Variants in ARHGAP28 observed in about 807,000 individuals in gnomAD.
ARHGAP28 encodes Rho GTPase activating protein 28, also known as rho GTPase-activating protein 28.
ARHGAP28 carries 56 observed loss-of-function variants against 90.7 expected under a neutral mutation model. That is an observed-to-expected ratio of 0.62 (90% CI 0.50 to 0.77). The LOEUF (loss-of-function observed/expected upper bound fraction) is 0.77, where lower values mean the gene tolerates loss of function less well. Among genes scored for constraint, ARHGAP28 ranks in the 30% least tolerant of loss-of-function variants. The pLI, the probability that ARHGAP28 is intolerant of heterozygous loss-of-function variation, is 0.00. For missense variants in ARHGAP28, 869 were observed against 900.9 expected, an observed-to-expected ratio of 0.96 and a Z score of 0.45; for synonymous variants, 308 against 323.3, an observed-to-expected ratio of 0.95 and a Z score of 0.51.
rs75920215 is a variant in ARHGAP28 at position 6,844,792 on chromosome 18, A to G, written c.544-6242A>G. Reference sequence around the variant, plus strand: ...AAATTATTTCAAGACAGTTAGAAAAACTAATGAAAAAATGCCCACTTATAT... The same window carrying G: ...AAATTATTTCAAGACAGTTAGAAAAGCTAATGAAAAAATGCCCACTTATAT... On this transcript the variant is annotated intron_variant, in intron 3 of 17. Coordinates refer to ENST00000383472, the MANE Select transcript of ARHGAP28 (RefSeq NM_001366230.1). Among the ~76,000 whole-genome samples the G allele has an allele frequency of 0.025, 3,786 of 152,306 alleles. 253 individuals carry two copies. The East Asian group carries it at 0.28, about 11-fold the overall frequency.
intron 1 of ARHGAP28, 99 bp from the exon 2 acceptor site, chr18:6,824,663 T>C (rs988711377): frequency 1.8e-6 from 2 of 1,103,216 alleles, no homozygotes; most frequent in Non-Finnish European, 2.5e-6. Context: ...CTCCATTTGA[T>C]TTAAACTTAA....
At chr18:6,809,177 C>G (rs192729245) in intron 1 of ARHGAP28, among the ~76,000 whole-genome samples, 118 of 152,264 alleles carry the variant, frequency 7.7e-4, no homozygotes, top group Non-Finnish European at 1.3e-3. Context: ...GCATCATAGT[C>G]CTGTTTTGCC....
chr18:6,856,632 C>T (rs1175924529), intron 4 of ARHGAP28, among the ~76,000 whole-genome samples: 4 of 152,146 alleles, frequency 2.6e-5, no homozygotes, highest in Non-Finnish European at 1.5e-5. Flanking sequence ...TCCTCAGCCT[C>T]TCAAGTAGCT....
At chr18:6,740,150 G>A (rs2055964035) in intron 1 of ARHGAP28, among the ~76,000 whole-genome samples, 2 of 152,096 alleles carry the variant, frequency 1.3e-5, no homozygotes, top group East Asian at 1.9e-4. Flanking sequence ...CACTGTGTCC[G>A]GCCTTACCGT....
At chr18:6,806,109 G>T (rs1238766576) in intron 1 of ARHGAP28, among the ~76,000 whole-genome samples, 1 of 151,926 alleles carries the variant, frequency 6.6e-6, no homozygotes, top group Non-Finnish European at 1.5e-5. Context: ...GCCCAGGCTG[G>T]TGTCAAACTC....
rs113575935 is a variant in ARHGAP28 at position 6,876,075 on chromosome 18, A to T, written c.1213-56A>T. ...TTCATGTCATCATTGTTACTGTTTC[A>T]TATGTTTATGATCATATAGAGGTAC... On this transcript the variant is annotated intron_variant, in intron 9 of 17. Coordinates refer to ENST00000383472, the MANE Select transcript of ARHGAP28 (RefSeq NM_001366230.1). 1.6e-5 allele frequency: 21 copies of T among 1,329,388 alleles called. No individual in the cohort carries two copies. In the African/African-American group the frequency reaches 2.3e-4, roughly 15 times the overall value. 82.3% of individuals were successfully genotyped at this position (1,329,388 alleles called of 1,614,324 possible).
chr18:6,906,420 C>G (rs761175543), intron 16 of ARHGAP28, among the ~76,000 whole-genome samples: 14 of 152,138 alleles, frequency 9.2e-5, no homozygotes, highest in Non-Finnish European at 1.9e-4. Context: ...GACTCTATAC[C>G]CATTCTCCCT....
intron 3 of ARHGAP28, among the ~76,000 whole-genome samples, chr18:6,842,745 C>A (rs1185454799): frequency 1.3e-5 from 2 of 152,038 alleles, no homozygotes; most frequent in Admixed American, 1.3e-4. Flanking sequence ...GAATAGGAGT[C>A]TGGGCCTTTT....
chr18:6,766,162 G>C (rs1048308586), intron 1 of ARHGAP28, among the ~76,000 whole-genome samples: 9 of 152,126 alleles, frequency 5.9e-5, no homozygotes, highest in Non-Finnish European at 1.2e-4. Flanking sequence ...CTGGTGTTCT[G>C]TCTACTTGTC....
chr18:6,811,735 T>A (rs1028619594), intron 1 of ARHGAP28, among the ~76,000 whole-genome samples: 34 of 152,168 alleles, frequency 2.2e-4, no homozygotes, highest in Admixed American at 7.2e-4. Flanking sequence ...TTCTTTTTTT[T>A]AATTCTTCCT....
At chr18:6,750,005 TG>T (rs1385947650) in intron 1 of ARHGAP28, among the ~76,000 whole-genome samples, 4 of 152,154 alleles carry the variant, frequency 2.6e-5, no homozygotes, top group Non-Finnish European at 4.4e-5. Flanking sequence ...TTTTCTTTTC[TG>T]GTTCCTTCCT....
At chr18:6,884,842 G>A (rs1042019181) in intron 11 of ARHGAP28, among the ~76,000 whole-genome samples, 6 of 152,128 alleles carry the variant, frequency 3.9e-5, no homozygotes, top group African/African-American at 1.4e-4. Context: ...TTCCAGATCT[G>A]TTCAGAGAAT....
chr18:6,847,265 A>G (rs1036192059), intron 3 of ARHGAP28, among the ~76,000 whole-genome samples: 2 of 151,978 alleles, frequency 1.3e-5, no homozygotes, highest in African/African-American at 2.4e-5. Context: ...ATCTCACACC[A>G]TACGCACACC....
At chr18:6,739,064 A>G (rs1273172832) in intron 1 of ARHGAP28, among the ~76,000 whole-genome samples, 2 of 152,250 alleles carry the variant, frequency 1.3e-5, no homozygotes, top group Non-Finnish European at 2.9e-5. Context: ...TTTGTGACAC[A>G]GGAAGAAACT....
intron 9 of ARHGAP28, among the ~76,000 whole-genome samples, 159 bp downstream of exon 9, chr18:6,873,934 A>C (rs73386315): frequency 6.6e-6 from 1 of 152,208 alleles, no homozygotes; most frequent in Non-Finnish European, 1.5e-5. Context: ...CATGCACCGC[A>C]TAACGGCCCA....
At chr18:6,779,228 A>G (rs1004880180) in intron 1 of ARHGAP28, among the ~76,000 whole-genome samples, 3 of 152,318 alleles carry the variant, frequency 2.0e-5, no homozygotes, top group Non-Finnish European at 2.9e-5. Context: ...TGTACTGCAT[A>G]TGAAAATAAT....
chr18:6,865,598 A>G (rs1337640703), intron 5 of ARHGAP28, among the ~76,000 whole-genome samples: 1 of 152,154 alleles, frequency 6.6e-6, no homozygotes, highest in African/African-American at 2.4e-5. Flanking sequence ...AGTCAGAGAG[A>G]TCATAAACAT....
intron 1 of ARHGAP28, among the ~76,000 whole-genome samples, chr18:6,817,678 TTC>T (rs1434731278): frequency 6.6e-6 from 1 of 152,210 alleles, no homozygotes; most frequent in African/African-American, 2.4e-5. Context: ...TTCTTGGCTT[TTC>T]TCTCATAATG....
intron 1 of ARHGAP28, among the ~76,000 whole-genome samples, chr18:6,782,584 ATTTTTGTATTTTTTTT>A (rs2056332436): frequency 1.4e-5 from 1 of 71,284 alleles, no homozygotes; most frequent in African/African-American, 4.4e-5. Flanking sequence ...CGCCCAGCTA[ATTTTTGTATTTTTTTT>A]TTTTTTTTTT....
Sources: allele counts gnomAD v4.1 joint callset (sites outside exome capture counted in the v4.1 genomes callset), GRCh38; gene constraint gnomAD v4.1.1; transcripts MANE v1.5; gene names NCBI Gene and HGNC (gene_info 2026-07-23, HGNC 2026-07-21).